MAML2: variants seen among roughly 807,000 people sequenced by gnomAD.
MAML2 encodes mastermind-like protein 2.
A neutral mutation model predicts 96.1 loss-of-function variants in MAML2; 22 were observed. That is an observed-to-expected ratio of 0.23 (90% CI 0.16 to 0.33). MAML2 has a LOEUF of 0.33. MAML2 is among the 10% of genes least tolerant of loss of function. The pLI is 1.00. For missense variants in MAML2, 1,367 were observed against 1,392.4 expected, an observed-to-expected ratio of 0.98 and a Z score of 0.29; for synonymous variants, 561 against 521.3, an observed-to-expected ratio of 1.08 and a Z score of -1.04.
chr11:96,184,141 C>G (rs1237813673), intron 1 of MAML2, among the ~76,000 whole-genome samples: 1 of 152,142 alleles, frequency 6.6e-6, no homozygotes, highest in Admixed American at 6.5e-5. Context: ...TAAAAAGCAA[C>G]ATTAGAAAAA....
At position 96,120,849 on chromosome 11, in the gene MAML2, T is replaced by C. The variant is rs1202981346; in HGVS notation, c.514-27332A>G. On this transcript the variant is annotated intron_variant, in intron 1 of 4. Transcript: ENST00000524717. ...AAACCACTGACCTAGAGGATGAGGA[T>C]TCTCAGAGTCTAAAGGAGAAACCGA... is the stretch of plus-strand genomic sequence containing the variant. Among the ~76,000 whole-genome samples the C allele has an allele frequency of 2.0e-5, 3 of 152,168 alleles. No individual in the cohort carries two copies. In the East Asian group the frequency reaches 5.8e-4, roughly 29 times the overall value.
At chr11:96,159,950 A>G (rs1861078729) in intron 1 of MAML2, among the ~76,000 whole-genome samples, 1 of 152,208 alleles carries the variant, frequency 6.6e-6, no homozygotes, top group African/African-American at 2.4e-5. Context: ...ATTTAGAGTA[A>G]TATCATATTC....
intron 1 of MAML2, among the ~76,000 whole-genome samples, chr11:96,177,376 G>A (rs1461982824): frequency 1.3e-5 from 2 of 152,204 alleles, no homozygotes; most frequent in African/African-American, 2.4e-5. Flanking sequence ...CATGTCACCG[G>A]GAAAGAAGCA....
At chr11:95,986,372 A>ATT (rs934935273) in intron 3 of MAML2, among the ~76,000 whole-genome samples, 1 of 149,746 alleles carries the variant, frequency 6.7e-6, no homozygotes, top group Non-Finnish European at 1.5e-5. Context: ...AAATTTTTGT[A>ATT]TTTTTTTTTA....
chr11:96,188,295 A>G (rs1591063103), intron 1 of MAML2, among the ~76,000 whole-genome samples: 1 of 152,236 alleles, frequency 6.6e-6, no homozygotes, highest in African/African-American at 2.4e-5. Flanking sequence ...AACCTTTCTA[A>G]TTTCAGATTT....
chr11:96,285,502 T>C (rs573054830), intron 1 of MAML2, among the ~76,000 whole-genome samples: 4 of 151,950 alleles, frequency 2.6e-5, no homozygotes, highest in Non-Finnish European at 5.9e-5. Context: ...AGAGCTTCCG[T>C]GCAGCAAAAG....
intron 2 of MAML2, among the ~76,000 whole-genome samples, chr11:96,015,537 G>A (rs1440126894): frequency 8.7e-6 from 1 of 114,960 alleles, no homozygotes; most frequent in African/African-American, 3.3e-5. Flanking sequence ...AGATGTGGAA[G>A]AGCTAACCAT....
chr11:96,253,572 T>C (rs542955045), intron 1 of MAML2, among the ~76,000 whole-genome samples: 8 of 152,330 alleles, frequency 5.3e-5, no homozygotes, highest in African/African-American at 1.9e-4. Flanking sequence ...TTGCTGGGAT[T>C]TTTGCTGGTA....
At chr11:96,042,203 C>G (rs749670106) in intron 2 of MAML2, among the ~76,000 whole-genome samples, 6 of 152,204 alleles carry the variant, frequency 3.9e-5, no homozygotes, top group Non-Finnish European at 7.4e-5. Context: ...GTCTCGATCT[C>G]CTGACCTCGT....
intron 1 of MAML2, among the ~76,000 whole-genome samples, chr11:96,203,894 A>T (rs1861861087): frequency 6.6e-6 from 1 of 152,220 alleles, no homozygotes; most frequent in Non-Finnish European, 1.5e-5. Flanking sequence ...TCTCCTTTCT[A>T]ATCTACTGTA....
chr11:96,297,050 A>C (rs1863312083), intron 1 of MAML2, among the ~76,000 whole-genome samples: 1 of 152,094 alleles, frequency 6.6e-6, no homozygotes, highest in Admixed American at 6.5e-5. Context: ...TGCACATCAT[A>C]GGTACTGTCA....
rs12281551 is a variant in MAML2, at chr11:96,168,964, A to G, written c.514-75447T>C. Among the ~76,000 whole-genome samples the G allele has an allele frequency of 6.0e-3, 921 of 152,290 alleles. 11 individuals carry two copies. The highest frequency in any genetic ancestry group is 0.021 in the African/African-American group (872 of 41,556). On this transcript the variant is annotated intron_variant, in intron 1 of 4. Coordinates refer to ENST00000524717, the MANE Select transcript of MAML2 (RefSeq NM_032427.4). The stretch of plus-strand genomic sequence containing the variant: ...GTGGTGCTATTCAGATTTGAACTAC[A>G]CCATAAGTTTCATGTAGGCTTAATT...
intron 2 of MAML2, among the ~76,000 whole-genome samples, chr11:96,051,138 T>C (rs910153768): frequency 2.0e-5 from 3 of 152,190 alleles, no homozygotes; most frequent in African/African-American, 4.8e-5. Context: ...CCTTTATCTA[T>C]AGAAACTTAA....
intron 2 of MAML2, among the ~76,000 whole-genome samples, chr11:96,003,354 G>A (rs964138631): frequency 1.3e-5 from 2 of 152,112 alleles, no homozygotes; most frequent in East Asian, 1.9e-4. Flanking sequence ...TTATCTTAAT[G>A]AGTCCCCATA....
chr11:96,077,219 CTTT>C (rs371672772), intron 2 of MAML2, among the ~76,000 whole-genome samples: 2 of 94,122 alleles, frequency 2.1e-5, no homozygotes, highest in Non-Finnish European at 2.0e-5. Context: ...CTCTCTCTCT[CTTT>C]TTTTTTTTTT....
chr11:96,272,149 G>A (rs917564860), intron 1 of MAML2, among the ~76,000 whole-genome samples: 6 of 151,920 alleles, frequency 3.9e-5, no homozygotes, highest in African/African-American at 1.2e-4. Context: ...ACCACAACAC[G>A]TGCCACCATC....
intron 1 of MAML2, among the ~76,000 whole-genome samples, chr11:96,301,143 A>G (rs1426059808): frequency 6.6e-6 from 1 of 152,232 alleles, no homozygotes; most frequent in Non-Finnish European, 1.5e-5. Context: ...GTTAGGACCC[A>G]TGTATTCTTA....
chr11:96,093,939 C>G (rs1859783111), intron 1 of MAML2, among the ~76,000 whole-genome samples: 1 of 152,066 alleles, frequency 6.6e-6, no homozygotes, highest in South Asian at 2.1e-4. Context: ...CAATTTTAAG[C>G]AAGATAGAAA....
intron 2 of MAML2, among the ~76,000 whole-genome samples, chr11:96,051,752 T>C (rs1162266882): frequency 6.6e-6 from 1 of 152,210 alleles, no homozygotes; most frequent in Admixed American, 6.5e-5. Flanking sequence ...TCAGGAGGCA[T>C]CAGGAGAACC....
Sources: gnomAD v4.1 joint callset for allele counts (sites outside exome capture counted in the v4.1 genomes callset) on GRCh38, gnomAD v4.1.1 for gene constraint, MANE v1.5 for transcripts, NCBI Gene and HGNC (gene_info 2026-07-23, HGNC 2026-07-21) for gene names.